Variants in PCDHGB4 observed in about 807,000 individuals in gnomAD.
PCDHGB4 encodes protocadherin gamma-B4.
Under a neutral mutation model 60.5 loss-of-function variants are expected in PCDHGB4, and 38 were observed. The observed-to-expected ratio is 0.63, with a 90% CI of 0.48 to 0.82. The LOEUF is 0.82. Among genes scored for constraint, PCDHGB4 ranks in the 40% least tolerant of loss-of-function variants. PCDHGB4 has a pLI of 0.00. For missense variants in PCDHGB4, 1,109 were observed against 1,209.6 expected (o/e 0.92, Z 1.23); for synonymous variants, 456 against 509.7 (o/e 0.89, Z 1.42).
At chr5:141,430,950 TC>T (rs1353555538) in intron 1 of PCDHGB4, 1 of 1,609,980 alleles carries the variant, frequency 6.2e-7, no homozygotes, top group East Asian at 2.2e-5. Flanking sequence ...GAGCGCGGAG[TC>T]CGCATCATCC....
chr5:141,473,308 A>G (rs1248143328), intron 1 of PCDHGB4, among the ~76,000 whole-genome samples: 1 of 152,234 alleles, frequency 6.6e-6, no homozygotes, highest in Non-Finnish European at 1.5e-5. Context: ...AGATTGCTAT[A>G]TTAATAAGCA....
Position 141,486,695 on chromosome 5 carries a change from A to T in PCDHGB4, c.2398-8112A>T. On this transcript the variant is annotated intron_variant, in intron 1 of 3. Coordinates refer to ENST00000519479, the MANE Select transcript of PCDHGB4 (RefSeq NM_003736.4). The surrounding 1 kb of genome is among the most constrained non-coding windows in gnomAD (Gnocchi z 5.0). ...TCGAGATGTATCAGCTTCCTCTTTC[A>T]TCTCTCTGAACCCCCAGACAGGAGC... The T allele has an allele frequency of 6.2e-7, 1 of 1,613,912 alleles. No homozygotes were observed. The highest frequency in any genetic ancestry group is 8.5e-7 in the Non-Finnish European group (1 of 1,179,980).
intron 1 of PCDHGB4, chr5:141,421,770 G>A: frequency 6.2e-7 from 1 of 1,613,856 alleles, no homozygotes; most frequent in Non-Finnish European, 8.5e-7. Context: ...ACTTTTCCTT[G>A]CAACTGCGGG....
At chr5:141,484,300 C>G (rs927710366) in intron 1 of PCDHGB4, among the ~76,000 whole-genome samples, 1 of 152,190 alleles carries the variant, frequency 6.6e-6, no homozygotes, top group Non-Finnish European at 1.5e-5. Context: ...CTCCTGGCTT[C>G]CTCCACCCCG....
At chr5:141,481,356 T>A (rs1214829594) in intron 1 of PCDHGB4, among the ~76,000 whole-genome samples, 1 of 152,260 alleles carries the variant, frequency 6.6e-6, no homozygotes, top group East Asian at 1.9e-4. Context: ...CATCTACAGC[T>A]GTTCAATAGA....
rs778054090 is a variant in PCDHGB4 at position 141,505,509 on chromosome 5, G to C, written c.2545+28G>C. On this transcript the variant is annotated intron_variant, in intron 3 of 3. Coordinates refer to ENST00000519479, the MANE Select transcript of PCDHGB4 (RefSeq NM_003736.4). ...AAGTGGTGTCAGTGTGTGTATGGAA[G>C]AGTGGGAGACCTGGGGTTCTGGGGT... The C allele has an allele frequency of 3.7e-6, 6 of 1,614,058 alleles. No homozygotes were observed. The East Asian group carries it at 1.1e-4, about 30-fold the overall frequency.
In PCDHGB4 at chr5:141,387,767, T is replaced by C; in HGVS notation, c.-118T>C. ...CTTCCTCCTCGGAAAAAGAAGAATT[T>C]TTTCTTGAACTGGAACTGCAACTAA... On this transcript the variant is annotated 5_prime_UTR_variant, in exon 1 of 4. Coordinates refer to ENST00000519479, the MANE Select transcript of PCDHGB4 (RefSeq NM_003736.4). The C allele has an allele frequency of 3.5e-6, 5 of 1,435,258 alleles. No homozygotes were observed. The highest frequency in any genetic ancestry group is 4.6e-6 in the Non-Finnish European group (5 of 1,080,868). The allele number at this position is 1,435,258 out of a possible 1,614,324, so 88.9% of individuals were successfully genotyped here.
At chr5:141,502,552 T>C (rs1217408446) in intron 2 of PCDHGB4, among the ~76,000 whole-genome samples, 1 of 152,146 alleles carries the variant, frequency 6.6e-6, no homozygotes, top group Non-Finnish European at 1.5e-5. Context: ...AAAAACAGTG[T>C]CCCAGATCTC....
At chr5:141,468,841 G>C (rs1189145481) in intron 1 of PCDHGB4, among the ~76,000 whole-genome samples, 3 of 152,014 alleles carry the variant, frequency 2.0e-5, no homozygotes, top group Non-Finnish European at 4.4e-5. Flanking sequence ...ACTCCAGCCT[G>C]GGCAACAGAG....
chr5:141,478,941 A>G (rs889484528), intron 1 of PCDHGB4: 2 of 589,470 alleles, frequency 3.4e-6, no homozygotes, highest in Non-Finnish European at 5.6e-6. Context: ...TTCTAGGAAT[A>G]CAAAAACTAC....
At chr5:141,464,312 C>T (rs2099081610) in intron 1 of PCDHGB4, among the ~76,000 whole-genome samples, 1 of 149,056 alleles carries the variant, frequency 6.7e-6, no homozygotes, top group South Asian at 2.1e-4. Flanking sequence ...GTGCACATAT[C>T]ATTATCTGTT....
Position 141,487,544 on chromosome 5 carries a change from C to A in PCDHGB4, c.2398-7263C>A. 1 of 1,614,190 alleles carries A rather than the reference C, an allele frequency of 6.2e-7. No homozygotes were observed. The highest frequency in any genetic ancestry group is 1.1e-5 in the South Asian group (1 of 91,088). On this transcript the variant is annotated intron_variant, in intron 1 of 3. Transcript: ENST00000519479. This position sits in a 1 kb window ranked among gnomAD's most constrained non-coding sequence, Gnocchi z 5.0. ...TGATAGCTTCATGATGGTGAAGTCA[C>A]CCAGTGCACCTATGGCAGGGGAGCC... is the stretch of plus-strand genomic sequence containing the variant.
chr5:141,454,628 AC>A (rs1272822911), intron 1 of PCDHGB4, among the ~76,000 whole-genome samples: 2 of 151,334 alleles, frequency 1.3e-5, no homozygotes, highest in Non-Finnish European at 2.9e-5. Context: ...CTGGTCTCGA[AC>A]CCCCAACCTC....
chr5:141,438,513 A>G (rs2097964808), intron 1 of PCDHGB4, among the ~76,000 whole-genome samples: 1 of 148,768 alleles, frequency 6.7e-6, no homozygotes, highest in Non-Finnish European at 1.5e-5. Context: ...TGCAAAACCA[A>G]TTATTTTACA....
At chr5:141,508,324 G>A (rs1668975090) in intron 3 of PCDHGB4, 1 of 151,252 alleles carries the variant, frequency 6.6e-6, no homozygotes, top group African/African-American at 2.4e-5. Flanking sequence ...GAGGGGCACT[G>A]GAGAACTGAC....
chr5:141,432,209 A>C lies in PCDHGB4; in HGVS notation c.2397+41928A>C, dbSNP rs1473794319. ...CGCCCACGACCCCGACTGTGAAGAGAACGCCCAGATCACTTATTCCCTGGC... is the reference window on the plus strand; with the variant it reads ...CGCCCACGACCCCGACTGTGAAGAGCACGCCCAGATCACTTATTCCCTGGC... On this transcript the variant is annotated intron_variant, in intron 1 of 3. Transcript: ENST00000519479. This position sits in a 1 kb window ranked among gnomAD's most constrained non-coding sequence, Gnocchi z 6.0. 2 of 1,614,098 alleles carry C rather than the reference A, an allele frequency of 1.2e-6. No homozygotes were observed. Among genetic ancestry groups the C allele is most frequent in the Non-Finnish European group, 8.5e-7 (1 of 1,180,032 alleles).
intron 1 of PCDHGB4, chr5:141,419,479 C>T (rs764891283): frequency 6.2e-7 from 1 of 1,612,390 alleles, no homozygotes; most frequent in Non-Finnish European, 8.5e-7. Context: ...AGGGCTCGCC[C>T]GCGCTCAGCG....
At chr5:141,420,457 T>A in intron 1 of PCDHGB4, 1 of 927,890 alleles carries the variant, frequency 1.1e-6, no homozygotes. Flanking sequence ...TTCCTACTAT[T>A]CAAAGACATT....
At chr5:141,478,670 C>T (rs1413742587) in intron 1 of PCDHGB4, 28 of 1,551,664 alleles carry the variant, frequency 1.8e-5, no homozygotes, top group Non-Finnish European at 2.4e-5. Flanking sequence ...TTCACACTTT[C>T]AACTGGCCCT....
Sources: gnomAD v4.1 joint callset for allele counts (sites outside exome capture counted in the v4.1 genomes callset) on GRCh38, gnomAD v4.1.1 for gene constraint, Gnocchi (gnomAD v3.1) non-coding constraint, MANE v1.5 for transcripts, NCBI Gene and HGNC (gene_info 2026-07-23, HGNC 2026-07-21) for gene names.